TXNIP: variants seen among roughly 807,000 people sequenced by gnomAD.
The protein encoded by TXNIP is thioredoxin-interacting protein.
In TXNIP, 23 loss-of-function variants were observed where a neutral mutation model predicts 43.9. That is an observed-to-expected ratio of 0.52 (90% CI 0.38 to 0.74). The LOEUF (loss-of-function observed/expected upper bound fraction) is 0.74. TXNIP is among the 30% of genes least tolerant of loss of function. TXNIP has a pLI of 0.00. For synonymous variants in TXNIP, 234 were observed against 172.2 expected (o/e 1.36, Z -2.81); for missense variants, 555 against 485.4 (o/e 1.14, Z -1.35).
chr1:145,995,371 A>G (rs782497415), intron 2 of TXNIP, 33 bp downstream of exon 2: 30 of 1,610,446 alleles, frequency 1.9e-5, no homozygotes, highest in Non-Finnish European at 1.4e-5. Context: ...TTTTAGACAG[A>G]AAAGTTCAAA....
chr1:145,996,510 T>C lies in TXNIP; in HGVS notation c.-244A>G. 2.5e-6 allele frequency: 1 copy of C among 397,002 alleles called. No individual in the cohort carries two copies. The highest frequency in any genetic ancestry group is 4.6e-6 in the Non-Finnish European group (1 of 219,358). 24.6% of individuals were successfully genotyped at this position (397,002 alleles called of 1,614,324 possible). A position where few individuals can be genotyped will look rare whatever the true frequency, so the allele number is the denominator to read the frequency against. On this transcript the variant is annotated 5_prime_UTR_variant, in exon 1 of 8. Coordinates refer to ENST00000582401, the MANE Select transcript of TXNIP (RefSeq NM_006472.6). The stretch of plus-strand genomic sequence containing the variant: ...AGCTAATTCAGAGAAAAAGCCTTCT[T>C]TCCCCCAATTGCTGGAGAAAAGATC...
intron 2 of TXNIP, 22 bp downstream of exon 2, chr1:145,995,382 G>C: frequency 4.3e-6 from 7 of 1,611,896 alleles, no homozygotes; most frequent in Non-Finnish European, 5.9e-6. Context: ...AAAGTTCAAA[G>C]ATGCATTTAG....
Position 145,996,229 on chromosome 1 carries a change from A to C in TXNIP, c.38T>G (p.Val13Gly). 2 of 1,614,024 alleles carry C rather than the reference A, an allele frequency of 1.2e-6. No individual in the cohort carries two copies. Among genetic ancestry groups the C allele is most frequent in the Non-Finnish European group, 1.7e-6 (2 of 1,179,998 alleles). ...GTACACCTTTTCAGGGTCGTTAAAG[A>C]CCACCTCAAAAGACTTGATCTTCTT... ...MFKKIKSFEV[V>G]FNDPEKVYGS... Residue 13 changes from valine (V) to glycine (G), a missense_variant, in exon 1 of 8, where the codon GTC becomes GGC. Coordinates refer to ENST00000582401, the MANE Select transcript of TXNIP (RefSeq NM_006472.6).
Position 145,993,737 on chromosome 1 carries a change from T to TA in TXNIP, c.*113dup, listed in dbSNP as rs2101959832. ...CCTCCTACATTAGGAAGTCAGAGGC[T>TA]AAGGTGGACCCACACTCCATTGCAG... On this transcript the variant is annotated 3_prime_UTR_variant, in exon 8 of 8. Transcript: ENST00000582401. The TA allele has an allele frequency of 1.6e-6, 2 of 1,270,904 alleles. No homozygotes were observed. The highest frequency in any genetic ancestry group is 2.6e-5 in the South Asian group (2 of 75,576). 78.7% of individuals were successfully genotyped at this position (1,270,904 alleles called of 1,614,324 possible).
At position 145,996,457 on chromosome 1, in the gene TXNIP, T is replaced by TA. The variant is rs782260647; in HGVS notation, c.-192dup. ...ACTACTAGGTTTTCGAAAAGGCGCC[T>TA]AAAAAATATACGCCGCTGGTTACAC... is the stretch of plus-strand genomic sequence containing the variant. On this transcript the variant is annotated 5_prime_UTR_variant, in exon 1 of 8. Coordinates refer to ENST00000582401, the MANE Select transcript of TXNIP (RefSeq NM_006472.6). 3.5e-4 allele frequency: 213 copies of TA among 602,906 alleles called. 4 individuals are homozygous for TA. In the South Asian group the frequency reaches 4.7e-3, roughly 13 times the overall value. The allele number at this position is 602,906 out of a possible 1,614,324, so 37.3% of individuals were successfully genotyped here.
chr1:145,994,961 G>C lies in TXNIP; in HGVS notation c.542C>G (p.Ser181Cys), dbSNP rs782551105. 3 of 1,614,016 alleles carry C rather than the reference G, an allele frequency of 1.9e-6. No individual in the cohort carries two copies. Among genetic ancestry groups the C allele is most frequent in the African/African-American group, 1.3e-5 (1 of 74,900 alleles). The part of the protein sequence containing the change: ...MFIPDGRVSV[S>C]ARIDRKGFCE... ...GAATCCTTTTCTGTCAATTCGAGCA[G>C]AGACAGACACCCGCCCATCAGGAAT... is the stretch of plus-strand genomic sequence containing the variant. Residue 181 changes from serine (S) to cysteine (C), a missense_variant, in exon 4 of 8, where the codon TCT becomes TGT. Physicochemically the swap from Ser to Cys is moderately radical, Grantham distance 112. Coordinates refer to ENST00000582401, the MANE Select transcript of TXNIP (RefSeq NM_006472.6).
Position 145,995,484 on chromosome 1 carries a change from G to C in TXNIP, c.251-8C>G, listed in dbSNP as rs782520764. The C allele has an allele frequency of 8.1e-6, 13 of 1,613,778 alleles. No individual in the cohort carries two copies. The Admixed American group carries it at 1.7e-4, about 21-fold the overall frequency. On this transcript the variant is annotated splice_polypyrimidine_tract_variant and splice_region_variant and intron_variant, in intron 1 of 7. Transcript: ENST00000582401. ...TCACCATCTCATTCTCACCTGAAGG[G>C]AAAGAAAATCGAGTAGCCATTAGGC... is the stretch of plus-strand genomic sequence containing the variant.
chr1:145,994,472 G>A (rs1553766036), intron 5 of TXNIP, 35 bp from the exon 6 acceptor site: 5 of 1,612,994 alleles, frequency 3.1e-6, no homozygotes, highest in East Asian at 2.2e-5. Context: ...TACACCAGAG[G>A]TCTGGAGAAA....
At position 145,994,856 on chromosome 1, in the gene TXNIP, C is replaced by CT. The variant is rs1262249951; in HGVS notation, c.575-57dup. ...TACTCAGTATAGTTAATGACACTTC[C>CT]TCTACCCCAGTCCCATGCCCTTGCC... On this transcript the variant is annotated intron_variant, in intron 4 of 7. Transcript: ENST00000582401. 265 of 1,613,650 alleles carry CT rather than the reference C, an allele frequency of 1.6e-4. No individual in the cohort carries two copies. The Middle Eastern group carries it at 2.3e-3, about 14-fold the overall frequency.
Position 145,994,270 on chromosome 1 carries a change from G to A in TXNIP, c.988+11C>T, listed in dbSNP as rs1553765967. ...ACCAGAAACAAAGAAAAGACATTAG[G>A]TCTGGCTCACCTTCTGGGGTATCAG... On this transcript the variant is annotated intron_variant, in intron 6 of 7. Transcript: ENST00000582401. 1 of 1,613,610 alleles carries A rather than the reference G, an allele frequency of 6.2e-7. No individual in the cohort carries two copies.
In TXNIP at chr1:145,995,352, G is replaced by T. The variant is rs782354200; in HGVS notation, c.323+52C>A. On this transcript the variant is annotated intron_variant, in intron 2 of 7. Transcript: ENST00000582401. ...CAAGAACAGTAAGTGATCAAAGGAG[G>T]GCAAGATATTTTAGACAGAAAAGTT... The T allele has an allele frequency of 9.3e-6, 15 of 1,609,558 alleles. No homozygotes were observed. The Admixed American group carries it at 2.2e-4, about 23-fold the overall frequency.
Position 145,995,718 on chromosome 1 carries a change from A to T in TXNIP, c.251-242T>A, listed in dbSNP as rs1372735290. 3 of 610,172 alleles carry T rather than the reference A, an allele frequency of 4.9e-6. No homozygotes were observed. The African/African-American group carries it at 5.5e-5, about 11-fold the overall frequency. The allele number at this position is 610,172 out of a possible 1,614,324, so 37.8% of individuals were successfully genotyped here. On this transcript the variant is annotated intron_variant, in intron 1 of 7. Coordinates refer to ENST00000582401, the MANE Select transcript of TXNIP (RefSeq NM_006472.6). ...TCACCCAGGACAGTTCTCTACTAACATCTCAAATAGGAAGTAGACAAAGAA... is the reference window on the plus strand; with the variant it reads ...TCACCCAGGACAGTTCTCTACTAACTTCTCAAATAGGAAGTAGACAAAGAA...
chr1:145,994,856 C>G (rs1651393024), intron 4 of TXNIP, 56 bp from the exon 5 acceptor site: 2 of 1,613,532 alleles, frequency 1.2e-6, no homozygotes, highest in South Asian at 1.1e-5. Context: ...ATGACACTTC[C>G]TCTACCCCAG....
Position 145,996,305 on chromosome 1 carries a change from T to C in TXNIP, c.-39A>G, listed in dbSNP as rs782116993. On this transcript the variant is annotated 5_prime_UTR_variant, in exon 1 of 8. Coordinates refer to ENST00000582401, the MANE Select transcript of TXNIP (RefSeq NM_006472.6). The stretch of plus-strand genomic sequence containing the variant: ...TGGTTTTAAGAGTTAGAAATGACGG[T>C]GGAAGAAAAAAAAAGCTCCAAATCG... The C allele has an allele frequency of 6.4e-7, 1 of 1,566,322 alleles. No individual in the cohort carries two copies. Among genetic ancestry groups the C allele is most frequent in the Non-Finnish European group, 8.6e-7 (1 of 1,158,262 alleles).
intron 2 of TXNIP, 24 bp from the exon 3 acceptor site, chr1:145,995,315 T>TA: frequency 6.2e-7 from 1 of 1,610,332 alleles, no homozygotes; most frequent in Non-Finnish European, 8.5e-7. Context: ...ATGAAAATTT[T>TA]AAAACGCTCT....
In TXNIP at chr1:145,996,060, G is replaced by A. The variant is rs1651504875; in HGVS notation, c.207C>T (p.Tyr69=). 1.2e-6 allele frequency: 2 copies of A among 1,613,984 alleles called. No individual in the cohort carries two copies. The highest frequency in any genetic ancestry group is 1.7e-6 in the Non-Finnish European group (2 of 1,180,024). Residue 69 remains tyrosine (Y), a synonymous_variant, in exon 1 of 8, where the codon TAC becomes TAT. Transcript: ENST00000582401. ...GAAGAAGCGTGTCTTCATAGCGCAG[G>A]TACTCCGAAGTCTGTTTGCACTGCT... ...GSQQCKQTSE[Y]LRYEDTLLLE... is the part of the protein sequence containing the mutation.
At chr1:145,995,548 T>C in intron 1 of TXNIP, 72 bp from the exon 2 acceptor site, 1 of 1,418,780 alleles carries the variant, frequency 7.0e-7, no homozygotes, top group East Asian at 2.3e-5. Context: ...TGATAAGGAA[T>C]GCTTGGGTGG....
At chr1:145,995,579 C>T (rs782763741) in intron 1 of TXNIP, 103 bp from the exon 2 acceptor site, 1 of 994,986 alleles carries the variant, frequency 1.0e-6, no homozygotes, top group South Asian at 1.3e-5. Context: ...ATTGAAGTAC[C>T]CCCAATTTCA....
chr1:145,994,829 G>A (rs1553766156), intron 4 of TXNIP, 29 bp from the exon 5 acceptor site: 2 of 1,614,012 alleles, frequency 1.2e-6, no homozygotes, highest in East Asian at 2.2e-5. Flanking sequence ...AAAACTTACT[G>A]ATACTCAGTA....
Sources: gnomAD v4.1 joint callset for allele counts on GRCh38, gnomAD v4.1.1 for gene constraint, MANE v1.5 for transcripts, NCBI Gene and HGNC (gene_info 2026-07-23, HGNC 2026-07-21) for gene names.